Variants in TRAK2 observed in about 807,000 individuals in gnomAD.
TRAK2 encodes the protein trafficking kinesin protein 2.
Under a neutral mutation model 104.6 loss-of-function variants are expected in TRAK2, and 81 were observed. That is an observed-to-expected ratio of 0.77 (90% CI 0.65 to 0.93). TRAK2 has a LOEUF of 0.93. Among genes scored for constraint, TRAK2 ranks in the 40% least tolerant of loss-of-function variants. The probability of loss-of-function intolerance (pLI) is 0.00; values close to 1 mark genes in which losing one functional copy is unlikely to be tolerated. For missense variants in TRAK2, 1,002 were observed against 1,089.0 expected (o/e 0.92, Z 1.12); for synonymous variants, 406 against 394.4 (o/e 1.03, Z -0.35).
At chr2:201,429,920 T>G (rs142879855) in intron 1 of TRAK2, among the ~76,000 whole-genome samples, 1 of 152,192 alleles carries the variant, frequency 6.6e-6, no homozygotes, top group African/African-American at 2.4e-5. Flanking sequence ...GAAGAGAAGA[T>G]TTTTGGAATT....
Position 201,380,345 on chromosome 2 carries a change from T to G in TRAK2, c.*198A>C. On this transcript the variant is annotated 3_prime_UTR_variant, in exon 16 of 16. Coordinates refer to ENST00000332624, the MANE Select transcript of TRAK2 (RefSeq NM_015049.3). ...CTCCCTCTGAACACTCATGGCCCAT[T>G]CATTTATACTTTCAATTTGCCCGAC... is the stretch of plus-strand genomic sequence containing the variant. 2 of 616,046 alleles carry G rather than the reference T, an allele frequency of 3.2e-6. No homozygotes were observed. The highest frequency in any genetic ancestry group is 4.1e-5 in the South Asian group (2 of 49,050). 38.2% of individuals were successfully genotyped at this position (616,046 alleles called of 1,614,324 possible).
At chr2:201,382,706 C>T (rs1221404100) in intron 15 of TRAK2, among the ~76,000 whole-genome samples, 4 of 152,108 alleles carry the variant, frequency 2.6e-5, no homozygotes, top group Admixed American at 2.6e-4. Flanking sequence ...TTATTGGGAT[C>T]TTTAGTGGAT....
At chr2:201,396,092 A>G (rs1389328564) in intron 7 of TRAK2, among the ~76,000 whole-genome samples, 1 of 152,198 alleles carries the variant, frequency 6.6e-6, no homozygotes, top group Non-Finnish European at 1.5e-5. Context: ...TTCACTCTCT[A>G]TCTCATATGA....
In TRAK2 at chr2:201,379,477, A is replaced by T. The variant is rs1244347373; in HGVS notation, c.*1066T>A. ...CCCGGGTTTTACTTCAGTTTACAAT[A>T]ATTTAATGTGCCTGAGAATTTTTGT... On this transcript the variant is annotated 3_prime_UTR_variant, in exon 16 of 16. Transcript: ENST00000332624. 1 of 152,638 alleles carries T rather than the reference A, an allele frequency of 6.6e-6. No homozygotes were observed. The highest frequency in any genetic ancestry group is 1.5e-5 in the Non-Finnish European group (1 of 68,034). 9.5% of individuals were successfully genotyped at this position (152,638 alleles called of 1,614,324 possible).
chr2:201,444,402 T>C (rs1176539582), intron 1 of TRAK2, among the ~76,000 whole-genome samples: 4 of 151,536 alleles, frequency 2.6e-5, no homozygotes, highest in African/African-American at 9.7e-5. Flanking sequence ...CACAGACCTT[T>C]TGTTACTTCT....
chr2:201,391,809 A>C (rs1037984905), intron 10 of TRAK2, among the ~76,000 whole-genome samples: 4 of 152,204 alleles, frequency 2.6e-5, no homozygotes, highest in Non-Finnish European at 1.5e-5. Context: ...ATGAGGATGC[A>C]TCAGACAATC....
intron 1 of TRAK2, among the ~76,000 whole-genome samples, chr2:201,440,927 A>C (rs1319895746): frequency 6.6e-6 from 1 of 152,200 alleles, no homozygotes; most frequent in Non-Finnish European, 1.5e-5. Context: ...ACTACACTGC[A>C]AGTTCCTCAA....
Position 201,380,966 on chromosome 2 carries a change from A to C in TRAK2, c.2322T>G (p.Pro774=), listed in dbSNP as rs749338815. 6.2e-7 allele frequency: 1 copy of C among 1,614,142 alleles called. No homozygotes were observed. The highest frequency in any genetic ancestry group is 1.1e-5 in the South Asian group (1 of 91,084). The change falls in exon 16 of 16, where the codon CCT becomes CCG. Residue 774 remains proline (P), a synonymous_variant. Transcript: ENST00000332624. ...LQPLPKSLAI[P]STPPNSPSHS... is the part of the protein sequence containing the mutation. ...GAGATGGTGAATTTGGTGGTGTGGAAGGGATAGCCAGGGATTTAGGGAGAG... is the reference window on the plus strand; with the variant it reads ...GAGATGGTGAATTTGGTGGTGTGGACGGGATAGCCAGGGATTTAGGGAGAG...
intron 2 of TRAK2, 79 bp from the exon 3 acceptor site, chr2:201,407,676 G>C: frequency 1.5e-6 from 2 of 1,337,432 alleles, no homozygotes; most frequent in Non-Finnish European, 2.0e-6. Context: ...ATGAAAATTA[G>C]TTTTTCTAAA....
At chr2:201,386,623 A>C (rs1357878898) in intron 13 of TRAK2, 139 bp from the exon 14 acceptor site, 1 of 1,177,948 alleles carries the variant, frequency 8.5e-7, no homozygotes, top group Non-Finnish European at 1.2e-6. Context: ...ATTTGGTAAA[A>C]GCTGCAAATT....
intron 2 of TRAK2, among the ~76,000 whole-genome samples, chr2:201,414,875 C>A (rs1363246494): frequency 2.1e-5 from 1 of 47,960 alleles, no homozygotes; most frequent in Non-Finnish European, 7.8e-5. Context: ...ACATTCATTA[C>A]AAGAGATACT....
intron 1 of TRAK2, among the ~76,000 whole-genome samples, chr2:201,449,765 C>T (rs1448812244): frequency 6.6e-6 from 1 of 152,032 alleles, no homozygotes; most frequent in Non-Finnish European, 1.5e-5. Context: ...TCTGCCTTAG[C>T]CTCCGAGTAG....
At chr2:201,444,844 G>A (rs1951952738) in intron 1 of TRAK2, among the ~76,000 whole-genome samples, 1 of 151,744 alleles carries the variant, frequency 6.6e-6, no homozygotes, top group South Asian at 2.1e-4. Flanking sequence ...ATAAATAATT[G>A]GTGTTGAAAT....
chr2:201,422,651 G>A (rs900558202), intron 1 of TRAK2, among the ~76,000 whole-genome samples: 2 of 150,966 alleles, frequency 1.3e-5, no homozygotes, highest in African/African-American at 2.5e-5. Context: ...AGAATTAAAC[G>A]TTATACAAAG....
At chr2:201,410,531 C>T (rs930193717) in intron 2 of TRAK2, 2 of 1,081,820 alleles carry the variant, frequency 1.8e-6, no homozygotes, top group Non-Finnish European at 2.7e-6. Context: ...AATAATCCTT[C>T]AAAATAGACA....
At chr2:201,410,727 T>C in intron 2 of TRAK2, 1 of 1,496,256 alleles carries the variant, frequency 6.7e-7, no homozygotes, top group South Asian at 1.1e-5. Flanking sequence ...CTTGAGGAGG[T>C]ACAAACTGAT....
chr2:201,384,131 G>A lies in TRAK2; in HGVS notation c.2049C>T (p.Asp683=). ...CTTACCTGGGGGTAACCTGAGTGAT[G>A]TCAGAGGGATGTAATATTCTACAGG... ...FTTCRILHPS[D]ITQVTPSSGF... is the part of the protein sequence containing the mutation. Residue 683 remains aspartate, a synonymous_variant, in exon 15 of 16, where the codon GAC becomes GAT. Coordinates refer to ENST00000332624, the MANE Select transcript of TRAK2 (RefSeq NM_015049.3). 6.2e-7 allele frequency: 1 copy of A among 1,613,030 alleles called. No homozygotes were observed. The highest frequency in any genetic ancestry group is 8.5e-7 in the Non-Finnish European group (1 of 1,179,368).
intron 15 of TRAK2, 76 bp from the exon 16 acceptor site, chr2:201,381,294 TTATAG>T: frequency 7.7e-7 from 1 of 1,303,010 alleles, no homozygotes; most frequent in East Asian, 2.5e-5. Flanking sequence ...TTTAAAGAAA[TTATAG>T]TAGTTATCCT....
intron 1 of TRAK2, among the ~76,000 whole-genome samples, chr2:201,441,484 AT>A (rs1489557377): frequency 6.6e-6 from 1 of 152,198 alleles, no homozygotes; most frequent in Non-Finnish European, 1.5e-5. Flanking sequence ...TAGTCTTTCA[AT>A]TTTGTAACTA....
Sources: gnomAD v4.1 joint callset for allele counts (sites outside exome capture counted in the v4.1 genomes callset) on GRCh38, gnomAD v4.1.1 for gene constraint, MANE v1.5 for transcripts, NCBI Gene and HGNC (gene_info 2026-07-23, HGNC 2026-07-21) for gene names.